Variants in SYNPO2 observed in about 807,000 individuals in gnomAD.
The protein encoded by SYNPO2 is synaptopodin 2, also known as synaptopodin-2.
In SYNPO2, 56 loss-of-function variants were observed where a neutral mutation model predicts 85.0. That is an observed-to-expected ratio of 0.66 (90% confidence interval 0.53 to 0.82). SYNPO2 has a LOEUF of 0.82. Ranked by LOEUF, SYNPO2 falls within the 40% of genes least tolerant of loss-of-function variation. SYNPO2 has a pLI of 0.00. For missense variants in SYNPO2, 1,575 were observed against 1,534.2 expected (o/e 1.03, Z -0.44); for synonymous variants, 602 against 591.1 (o/e 1.02, Z -0.27).
intron 2 of SYNPO2, among the ~76,000 whole-genome samples, chr4:119,025,751 C>T (rs1737909224): frequency 6.6e-6 from 1 of 152,168 alleles, no homozygotes; most frequent in African/African-American, 2.4e-5. Context: ...TACAGCTGTT[C>T]TGTGAATAAT....
chr4:119,015,116 T>C (rs1459065365), intron 1 of SYNPO2, among the ~76,000 whole-genome samples: 5 of 152,208 alleles, frequency 3.3e-5, no homozygotes, highest in African/African-American at 7.2e-5. Flanking sequence ...ATATGTATTA[T>C]AGTTTGACAA....
In SYNPO2 at chr4:118,859,259, A is replaced by T. The variant is rs186469370; in HGVS notation, c.12+8319A>T. 6.8e-3 allele frequency among the ~76,000 whole-genome samples: 1,041 copies of T among 152,308 alleles called. 6 individuals are homozygous for T. The highest frequency in any genetic ancestry group is 0.011 in the Non-Finnish European group (758 of 68,024). ...AGTTACATTATTTTTAAATTTTTTTAAATTAAATCTTTAATTTTTAATTTT... is the reference window on the plus strand; with the variant it reads ...AGTTACATTATTTTTAAATTTTTTTTAATTAAATCTTTAATTTTTAATTTT... On this transcript the variant is annotated intron_variant, in intron 1 of 4. Coordinates refer to the SYNPO2 transcript ENST00000610556.
intron 4 of SYNPO2, among the ~76,000 whole-genome samples, chr4:119,039,929 A>T (rs1168978799): frequency 6.6e-6 from 1 of 152,216 alleles, no homozygotes; most frequent in African/African-American, 2.4e-5. Context: ...GTAGTGATTA[A>T]GAGTGTGGGC....
intron 4 of SYNPO2, among the ~76,000 whole-genome samples, chr4:119,044,986 A>G (rs1485157408): frequency 1.3e-5 from 2 of 152,220 alleles, no homozygotes; most frequent in African/African-American, 4.8e-5. Flanking sequence ...GGATGCTTCT[A>G]AACACATCAG....
intron 1 of SYNPO2, among the ~76,000 whole-genome samples, chr4:118,973,800 T>C (rs1214400104): frequency 6.6e-6 from 1 of 152,136 alleles, no homozygotes; most frequent in Non-Finnish European, 1.5e-5. Flanking sequence ...CCTAGTTTGG[T>C]CCTGAAGTTA....
At chr4:119,008,156 A>G (rs1411641401) in intron 1 of SYNPO2, among the ~76,000 whole-genome samples, 1 of 152,214 alleles carries the variant, frequency 6.6e-6, no homozygotes, top group Non-Finnish European at 1.5e-5. Flanking sequence ...TAGGTGCTTA[A>G]TACTTACTTG....
chr4:118,994,037 G>T (rs529404214), intron 1 of SYNPO2, among the ~76,000 whole-genome samples: 1 of 152,136 alleles, frequency 6.6e-6, no homozygotes, highest in Admixed American at 6.5e-5. Flanking sequence ...TGAACATTTG[G>T]TTCTTCTAGG....
intron 4 of SYNPO2, chr4:119,036,849 T>A: frequency 9.1e-7 from 1 of 1,094,094 alleles, no homozygotes; most frequent in Non-Finnish European, 1.1e-6. Context: ...GAAATTTAAT[T>A]TTAAATATCA....
intron 1 of SYNPO2, among the ~76,000 whole-genome samples, chr4:118,980,935 A>C (rs1373170757): frequency 6.6e-6 from 1 of 152,220 alleles, no homozygotes; most frequent in Admixed American, 6.5e-5. Context: ...CGACTTGCTC[A>C]CAGTCACATA....
At chr4:118,990,442 C>G (rs924106074) in intron 1 of SYNPO2, among the ~76,000 whole-genome samples, 1 of 152,154 alleles carries the variant, frequency 6.6e-6, no homozygotes, top group Non-Finnish European at 1.5e-5. Context: ...TTACAGAGCA[C>G]TATTATACAC....
chr4:119,009,027 G>A (rs1737189007), intron 1 of SYNPO2, among the ~76,000 whole-genome samples: 1 of 152,108 alleles, frequency 6.6e-6, no homozygotes, highest in South Asian at 2.1e-4. Flanking sequence ...CTTGTCTTCA[G>A]CATGTTAAAT....
chr4:119,017,475 A>C (rs1314749937), intron 1 of SYNPO2, among the ~76,000 whole-genome samples: 1 of 152,134 alleles, frequency 6.6e-6, no homozygotes, highest in Non-Finnish European at 1.5e-5. Flanking sequence ...AAATGCCTGA[A>C]GTGGAAAATT....
chr4:118,939,405 C>T (rs1734225345), intron 1 of SYNPO2, among the ~76,000 whole-genome samples: 1 of 152,160 alleles, frequency 6.6e-6, no homozygotes, highest in South Asian at 2.1e-4. Flanking sequence ...GGGAACTTGG[C>T]GTTGGTGGCA....
chr4:118,975,034 A>T (rs1464799976), intron 1 of SYNPO2, among the ~76,000 whole-genome samples: 3 of 151,912 alleles, frequency 2.0e-5, no homozygotes, highest in Non-Finnish European at 1.5e-5. Context: ...GGCATTCAAA[A>T]CTCTTTTCAA....
At chr4:118,886,452 T>C (rs1732201551), upstream of SYNPO2, among the ~76,000 whole-genome samples, 1 of 152,146 alleles carries the variant, frequency 6.6e-6, no homozygotes, top group African/African-American at 2.4e-5. Context: ...CCTCCCTGTG[T>C]CTATGTGTTC....
intron 1 of SYNPO2, among the ~76,000 whole-genome samples, chr4:118,982,593 C>T (rs767566768): frequency 3.9e-5 from 6 of 152,152 alleles, no homozygotes; most frequent in South Asian, 2.1e-4. Flanking sequence ...AGACTGGTTC[C>T]GCTCATCTCT....
At chr4:119,047,865 C>T (rs1738918416) in intron 4 of SYNPO2, among the ~76,000 whole-genome samples, 1 of 152,200 alleles carries the variant, frequency 6.6e-6, no homozygotes, top group South Asian at 2.1e-4. Context: ...CATTTCCTAA[C>T]ACGTACTTGC....
Position 119,058,490 on chromosome 4 carries a change from T to TTTTTA in SYNPO2, c.*556_*557insTTTTA, listed in dbSNP as rs1739294231. 1 of 135,824 alleles carries TTTTTA rather than the reference T, an allele frequency of 7.4e-6. No homozygotes were observed. The highest frequency in any genetic ancestry group is 2.7e-5 in the African/African-American group (1 of 37,188). 8.4% of individuals were successfully genotyped at this position (135,824 alleles called of 1,614,324 possible). ...TTTTTTTTTTTTTTTTTTTTTTTTT[T>TTTTTA]GAGATGGAGTCTTGCTCTGTCCCAC... On this transcript the variant is annotated 3_prime_UTR_variant, in exon 5 of 5. Transcript: ENST00000307142.
intron 1 of SYNPO2, among the ~76,000 whole-genome samples, chr4:119,003,745 T>C (rs1424558174): frequency 6.6e-6 from 1 of 152,190 alleles, no homozygotes; most frequent in Non-Finnish European, 1.5e-5. Context: ...TCCTTGGCTC[T>C]CTGCTTACTC....
Sources: allele counts gnomAD v4.1 joint callset (sites outside exome capture counted in the v4.1 genomes callset), GRCh38; gene constraint gnomAD v4.1.1; transcripts MANE v1.5; gene names NCBI Gene and HGNC (gene_info 2026-07-23, HGNC 2026-07-21).